The following TMEM154 variants were observed in gnomAD, a reference collection of about 807,000 sequenced individuals.
TMEM154 encodes the protein transmembrane protein 154.
TMEM154 carries 27 observed loss-of-function variants against 24.5 expected under a neutral mutation model. That is an observed-to-expected ratio of 1.10 (90% CI 0.81 to 1.52). The LOEUF (loss-of-function observed/expected upper bound fraction) is 1.52. TMEM154 is among the 40% of genes most tolerant of loss of function. The probability of loss-of-function intolerance (pLI) is 0.00; values close to 1 mark genes in which losing one functional copy is unlikely to be tolerated. For missense variants in TMEM154, 228 were observed against 213.4 expected (o/e 1.07, Z -0.43); for synonymous variants, 67 against 76.8 (o/e 0.87, Z 0.67).
At chr4:152,647,454 G>T in intron 3 of TMEM154, 1 of 444,382 alleles carries the variant, frequency 2.3e-6, no homozygotes, top group Non-Finnish European at 3.0e-6. Flanking sequence ...AGCATTGGCT[G>T]ATAAGAGAAA....
chr4:152,631,961 T>C (rs1445278580), intron 6 of TMEM154, among the ~76,000 whole-genome samples: 2 of 151,840 alleles, frequency 1.3e-5, no homozygotes, highest in Non-Finnish European at 1.5e-5. Context: ...TCTGCCACCA[T>C]GCCCGGCTAA....
chr4:152,646,637 C>T, intron 3 of TMEM154: 1 of 295,122 alleles, frequency 3.4e-6, no homozygotes, highest in Non-Finnish European at 6.3e-6. Context: ...TCCAACAATC[C>T]TTCCATTTCA....
chr4:152,673,697 A>T (rs1346925077), intron 1 of TMEM154, among the ~76,000 whole-genome samples: 1 of 152,154 alleles, frequency 6.6e-6, no homozygotes, highest in Non-Finnish European at 1.5e-5. Flanking sequence ...TTTGAGACTG[A>T]TTCACCTTGA....
chr4:152,653,849 A>G (rs1456836591), intron 1 of TMEM154, among the ~76,000 whole-genome samples: 2 of 151,340 alleles, frequency 1.3e-5, no homozygotes, highest in South Asian at 4.2e-4. Context: ...GACCAGCCTG[A>G]CCAACATGGT....
At chr4:152,657,066 C>A (rs1473779836) in intron 1 of TMEM154, among the ~76,000 whole-genome samples, 1 of 149,480 alleles carries the variant, frequency 6.7e-6, no homozygotes, top group African/African-American at 2.5e-5. Flanking sequence ...TAGACTAAAT[C>A]AAGCAGAAGG....
At chr4:152,679,830 C>G (rs1203239642) in intron 1 of TMEM154, 40 bp downstream of exon 1, 2 of 1,585,154 alleles carry the variant, frequency 1.3e-6, no homozygotes, top group Non-Finnish European at 1.7e-6. Context: ...CCAGCTTTTG[C>G]GATCCTCCTT....
At chr4:152,648,938 A>T (rs1201745086) in intron 3 of TMEM154, among the ~76,000 whole-genome samples, 1 of 152,252 alleles carries the variant, frequency 6.6e-6, no homozygotes, top group African/African-American at 2.4e-5. Context: ...CTTAGAAAGA[A>T]GCCTCCATAT....
intron 1 of TMEM154, among the ~76,000 whole-genome samples, chr4:152,670,544 G>A (rs927335313): frequency 3.3e-5 from 5 of 152,052 alleles, no homozygotes; most frequent in African/African-American, 1.2e-4. Flanking sequence ...TGCAGGAGCA[G>A]AGATTGCACC....
At chr4:152,672,588 G>A (rs1728870269) in intron 1 of TMEM154, among the ~76,000 whole-genome samples, 2 of 152,216 alleles carry the variant, frequency 1.3e-5, no homozygotes, top group Non-Finnish European at 2.9e-5. Context: ...ACATGGCAGA[G>A]GATTGAGAAA....
At chr4:152,644,510 C>T (rs1371034985) in intron 3 of TMEM154, 68 bp from the exon 4 acceptor site, 3 of 1,469,868 alleles carry the variant, frequency 2.0e-6, no homozygotes, top group Non-Finnish European at 2.9e-6. Flanking sequence ...ATTTCAACAA[C>T]AGCTGAAGTC....
At chr4:152,663,922 T>C (rs1163899276) in intron 1 of TMEM154, among the ~76,000 whole-genome samples, 1 of 152,172 alleles carries the variant, frequency 6.6e-6, no homozygotes, top group Non-Finnish European at 1.5e-5. Context: ...TGGGAAGAAA[T>C]GTTTGAGGTA....
At chr4:152,628,725 C>T (rs1255468632) in intron 6 of TMEM154, among the ~76,000 whole-genome samples, 164 bp from the exon 7 acceptor site, 1 of 150,658 alleles carries the variant, frequency 6.6e-6, no homozygotes, top group African/African-American at 2.4e-5. Context: ...CAAGCTCCAC[C>T]TCCCAGGTTC....
At chr4:152,657,926 G>A (rs1205358296) in intron 1 of TMEM154, among the ~76,000 whole-genome samples, 1 of 152,122 alleles carries the variant, frequency 6.6e-6, no homozygotes, top group Admixed American at 6.5e-5. Flanking sequence ...TCCCAGACAT[G>A]CAAAAGCTGA....
At position 152,628,331 on chromosome 4, in the gene TMEM154, C is replaced by G. The variant is rs1453804478; in HGVS notation, c.*215G>C. The G allele has an allele frequency of 9.0e-6, 7 of 773,648 alleles. No individual in the cohort carries two copies. The East Asian group carries it at 1.9e-4, about 21-fold the overall frequency. The allele number at this position is 773,648 out of a possible 1,614,324, so 47.9% of individuals were successfully genotyped here. A position where few individuals can be genotyped will look rare whatever the true frequency, so the allele number is the denominator to read the frequency against. ...CTCAGAGGCAGCGATGGATGGCAGC[C>G]AGGCCTTTTCCTAGTACTTCTCAAT... On this transcript the variant is annotated 3_prime_UTR_variant, in exon 7 of 7. Transcript: ENST00000304385.
chr4:152,660,448 T>A (rs1461896292), intron 1 of TMEM154, among the ~76,000 whole-genome samples: 2 of 152,084 alleles, frequency 1.3e-5, no homozygotes, highest in African/African-American at 4.8e-5. Context: ...TCAGCATCTT[T>A]TTTTGAGAAT....
chr4:152,666,151 T>C (rs901397697), intron 1 of TMEM154, among the ~76,000 whole-genome samples: 1 of 152,116 alleles, frequency 6.6e-6, no homozygotes, highest in South Asian at 2.1e-4. Context: ...GGCATACTGG[T>C]TGAAGTTGCT....
rs1173201305 is a variant in TMEM154, at chr4:152,623,054, TC to T, written c.*5491del. 2 of 152,242 alleles carry T rather than the reference TC, an allele frequency of 1.3e-5. No individual in the cohort carries two copies. The highest frequency in any genetic ancestry group is 2.4e-5 in the African/African-American group (1 of 41,442). 9.4% of individuals were successfully genotyped at this position (152,242 alleles called of 1,614,324 possible). On this transcript the variant is annotated 3_prime_UTR_variant, in exon 7 of 7. Transcript: ENST00000304385. ...TTTCACCATGTTGGCCAGGCTGGTC[TC>T]AAACTCCCGAGCTCAGGCAATCCAC...
Position 152,626,454 on chromosome 4 carries a change from C to G in TMEM154, c.*2092G>C, listed in dbSNP as rs1274654531. The G allele has an allele frequency of 1.3e-5, 2 of 152,298 alleles. No homozygotes were observed. The highest frequency in any genetic ancestry group is 3.9e-4 in the East Asian group (2 of 5,186). The allele number at this position is 152,298 out of a possible 1,614,324, so 9.4% of individuals were successfully genotyped here. A position where few individuals can be genotyped will look rare whatever the true frequency, so the allele number is the denominator to read the frequency against. On this transcript the variant is annotated 3_prime_UTR_variant, in exon 7 of 7. Coordinates refer to ENST00000304385, the MANE Select transcript of TMEM154 (RefSeq NM_152680.3). ...AAGAATTGAGGCTTGGCTGTTCTGG[C>G]TGTATACTAACTTCATATACCCTGA...
chr4:152,661,722 T>A (rs6819118), intron 1 of TMEM154, among the ~76,000 whole-genome samples: 4,407 of 152,292 alleles, frequency 0.029, 84 homozygotes, highest in Non-Finnish European at 0.043. Flanking sequence ...GTCCCATCTA[T>A]TTCCACATCT....
Sources: allele counts gnomAD v4.1 joint callset (sites outside exome capture counted in the v4.1 genomes callset), GRCh38; gene constraint gnomAD v4.1.1; transcripts MANE v1.5; gene names NCBI Gene and HGNC (gene_info 2026-07-23, HGNC 2026-07-21).